ANKRD26: variants seen among roughly 807,000 people sequenced by gnomAD.
ANKRD26 encodes the protein ankyrin repeat domain 26.
ANKRD26 carries 141 observed loss-of-function variants against 208.7 expected under a neutral mutation model. The observed-to-expected ratio is 0.68, with a 90% CI of 0.59 to 0.78. ANKRD26 has a LOEUF of 0.78. Ranked by LOEUF, ANKRD26 falls within the 30% of genes least tolerant of loss-of-function variation. The probability of loss-of-function intolerance (pLI) is 0.00; values close to 1 mark genes in which losing one functional copy is unlikely to be tolerated. For synonymous variants in ANKRD26, 636 were observed against 660.4 expected, an observed-to-expected ratio of 0.96 and a Z score of 0.57; for missense variants, 1,889 against 1,938.7, an observed-to-expected ratio of 0.97 and a Z score of 0.48.
At position 27,014,593 on chromosome 10, in the gene ANKRD26, G is replaced by C; in HGVS notation, c.4625C>G (p.Thr1542Ser). 6.2e-7 allele frequency: 1 copy of C among 1,610,322 alleles called. No homozygotes were observed. The highest frequency in any genetic ancestry group is 8.5e-7 in the Non-Finnish European group (1 of 1,177,834). The change falls in exon 31 of 34, where the codon ACT becomes AGT. Residue 1542 changes from threonine to serine, a missense_variant. Thr to Ser is a moderately conservative substitution (Grantham distance 58). This residue lies in a region of ANKRD26 where 613 missense variants were observed against 648.2 expected (regional missense o/e 0.95). Coordinates refer to ENST00000376087, the MANE Select transcript of ANKRD26 (RefSeq NM_014915.3). Reference protein sequence around the residue: ...DLESELSKIKTSQEDFNKTEL... With the variant: ...DLESELSKIKSSQEDFNKTEL... ...GGTTTTATTAAAGTCTTCTTGAGAA[G>C]TTTTTATTTTGGAGAGTTCAGATTC...
chr10:27,017,706 C>T lies in ANKRD26; in HGVS notation c.4302G>A (p.Leu1434=), dbSNP rs748025333. The change falls in exon 30 of 34, where the codon TTG becomes TTA. Residue 1434 remains leucine, a synonymous_variant. Coordinates refer to ENST00000376087, the MANE Select transcript of ANKRD26 (RefSeq NM_014915.3). Reference sequence around the variant, plus strand: ...TCTTTTGTACTGTTTTCATAGATAACAACTCCTCTTGAAGAATTTGGTTCT... The same window carrying T: ...TCTTTTGTACTGTTTTCATAGATAATAACTCCTCTTGAAGAATTTGGTTCT... The part of the protein sequence containing the change: ...DTKNQILQEE[L]LSMKTVQKKC... 1.9e-6 allele frequency: 3 copies of T among 1,612,966 alleles called. No homozygotes were observed. The African/African-American group carries it at 4.0e-5, about 22-fold the overall frequency.
intron 5 of ANKRD26, among the ~76,000 whole-genome samples, chr10:26,980,142 AT>A (rs2052285834): frequency 6.6e-6 from 1 of 152,210 alleles, no homozygotes; most frequent in African/African-American, 2.4e-5. Flanking sequence ...TCAAAGTTTT[AT>A]CAAAACATGA....
rs140117754 is a variant in ANKRD26 at position 27,011,571 on chromosome 10, C to G, written c.4953+1311G>C. ...GTCATTGTTGAATTCATCTTGAGAT[C>G]CCCAGAAATGAAGTCGTACTATGAG... is the stretch of plus-strand genomic sequence containing the variant. On this transcript the variant is annotated intron_variant, in intron 32 of 33. Coordinates refer to ENST00000376087, the MANE Select transcript of ANKRD26 (RefSeq NM_014915.3). 6.7e-3 allele frequency among the ~76,000 whole-genome samples: 1,025 copies of G among 152,212 alleles called. 11 individuals carry two copies. Among genetic ancestry groups the G allele is most frequent in the African/African-American group, 0.023 (970 of 41,530 alleles).
chr10:27,092,310 A>G, intron 4 of ANKRD26, 96 bp downstream of exon 4: 8 of 842,112 alleles, frequency 9.5e-6, no homozygotes, highest in East Asian at 2.7e-5. Flanking sequence ...CTCAAGAACA[A>G]GCAGGTTTAA....
intron 4 of ANKRD26, among the ~76,000 whole-genome samples, chr10:26,997,568 A>AT: frequency 6.6e-6 from 1 of 152,168 alleles, no homozygotes; most frequent in South Asian, 2.1e-4. Context: ...GCGGTTTAAC[A>AT]TTTTTCTGAG....
At chr10:27,079,397 A>G (rs1432051715) in intron 6 of ANKRD26, among the ~76,000 whole-genome samples, 1 of 152,246 alleles carries the variant, frequency 6.6e-6, no homozygotes, top group African/African-American at 2.4e-5. Flanking sequence ...AAAATATTCG[A>G]TAAAGACTCA....
At chr10:27,034,124 TG>T (rs1473201340) in intron 24 of ANKRD26, among the ~76,000 whole-genome samples, 1 of 152,192 alleles carries the variant, frequency 6.6e-6, no homozygotes, top group Non-Finnish European at 1.5e-5. Flanking sequence ...TAAATACCAC[TG>T]GGGAGATTAA....
chr10:27,091,526 T>C (rs1255573763), intron 4 of ANKRD26, among the ~76,000 whole-genome samples: 1 of 152,044 alleles, frequency 6.6e-6, no homozygotes, highest in Non-Finnish European at 1.5e-5. Flanking sequence ...CGATCAACAA[T>C]CACCTAGGGA....
At chr10:27,033,949 C>G (rs561696220) in intron 24 of ANKRD26, among the ~76,000 whole-genome samples, 1 of 152,296 alleles carries the variant, frequency 6.6e-6, no homozygotes, top group South Asian at 2.1e-4. Context: ...CCTGCCACCC[C>G]TCATTAGTGT....
At chr10:26,991,358 G>A (rs1033042729), downstream of ANKRD26, among the ~76,000 whole-genome samples, 16 of 152,150 alleles carry the variant, frequency 1.1e-4, no homozygotes, top group African/African-American at 3.9e-4. Context: ...GTGCCCAGGA[G>A]ACAGGTCTAT....
At chr10:27,071,749 G>T (rs551104897) in intron 9 of ANKRD26, among the ~76,000 whole-genome samples, 3 of 152,126 alleles carry the variant, frequency 2.0e-5, no homozygotes, top group Admixed American at 1.3e-4. Context: ...GAGTGTGAAC[G>T]GGAGAGATGG....
At chr10:27,036,188 T>C (rs1187605805) in intron 23 of ANKRD26, among the ~76,000 whole-genome samples, 1 of 152,074 alleles carries the variant, frequency 6.6e-6, no homozygotes, top group African/African-American at 2.4e-5. Flanking sequence ...TCAAGTTCCT[T>C]TTTTCTGAGC....
Position 26,974,490 on chromosome 10 carries a change from G to A in ANKRD26, c.*1834C>T, listed in dbSNP as rs182141731. On this transcript the variant is annotated 3_prime_UTR_variant and NMD_transcript_variant, in exon 6 of 6. Transcript: ENST00000674670. ...AGAGTAGCTGGGACTACAGGCACCC[G>A]CCACCACGCCTGGCTAATTTTTTGT... Among the ~76,000 whole-genome samples the A allele has an allele frequency of 1.9e-3, 284 of 151,964 alleles. 2 individuals carry two copies. Among genetic ancestry groups the A allele is most frequent in the African/African-American group, 6.4e-3 (267 of 41,430 alleles).
At chr10:27,049,237 A>C (rs1408388506) in intron 16 of ANKRD26, among the ~76,000 whole-genome samples, 1 of 152,160 alleles carries the variant, frequency 6.6e-6, no homozygotes, top group Non-Finnish European at 1.5e-5. Context: ...CCAAAATTTC[A>C]AAGGCTCTTC....
At chr10:26,996,499 G>A (rs2052596167) in intron 4 of ANKRD26, among the ~76,000 whole-genome samples, 1 of 152,182 alleles carries the variant, frequency 6.6e-6, no homozygotes, top group Non-Finnish European at 1.5e-5. Context: ...GTCAGAGGTT[G>A]CAGCGAGCTG....
chr10:26,992,507 CAG>C (rs906434300), intron 5 of ANKRD26, among the ~76,000 whole-genome samples: 5,489 of 134,190 alleles, frequency 0.041, 141 homozygotes, highest in Non-Finnish European at 0.056. Context: ...CACACACACA[CAG>C]AGAGAAAAAG....
At chr10:26,952,359 T>C in the ANKRD26 span, among the ~76,000 whole-genome samples, 4 of 152,096 alleles carry the variant, frequency 2.6e-5, no homozygotes, top group Non-Finnish European at 4.4e-5. Flanking sequence ...CCATTACTGA[T>C]TAAAACAAAT....
At chr10:26,956,494 C>T in the ANKRD26 span, among the ~76,000 whole-genome samples, 1 of 152,074 alleles carries the variant, frequency 6.6e-6, no homozygotes, top group Non-Finnish European at 1.5e-5. Context: ...AGGCCAGGCA[C>T]AGTAGCTCAC....
At chr10:27,054,082 G>T (rs1239609119) in intron 15 of ANKRD26, among the ~76,000 whole-genome samples, 1 of 152,076 alleles carries the variant, frequency 6.6e-6, no homozygotes, top group Non-Finnish European at 1.5e-5. Context: ...ATAAACAGGT[G>T]TCTCCTTCCT....
Sources: gnomAD v4.1 joint callset for allele counts (sites outside exome capture counted in the v4.1 genomes callset) on GRCh38, gnomAD v4.1.1 for gene constraint, gnomAD v4.1.1 regional missense constraint, MANE v1.5 for transcripts, NCBI Gene and HGNC (gene_info 2026-07-23, HGNC 2026-07-21) for gene names.